Variants in KCNMA1 observed in about 807,000 individuals in gnomAD.
The protein encoded by KCNMA1 is potassium calcium-activated channel subfamily M alpha 1.
A neutral mutation model predicts 140.0 loss-of-function variants in KCNMA1; 29 were observed. The observed-to-expected ratio is 0.21, with a 90% CI of 0.15 to 0.28. KCNMA1 has a LOEUF of 0.28. KCNMA1 is among the 10% of genes least tolerant of loss of function. The probability of loss-of-function intolerance (pLI) is 1.00; values close to 1 mark genes in which losing one functional copy is unlikely to be tolerated. For missense variants in KCNMA1, 880 were observed against 1,602.2 expected (o/e 0.55, Z 7.70); for synonymous variants, 612 against 611.9 (o/e 1.00, Z 0.00).
intron 2 of KCNMA1, among the ~76,000 whole-genome samples, chr10:77,273,165 C>A (rs2065654537): frequency 6.6e-6 from 1 of 152,192 alleles, no homozygotes; most frequent in South Asian, 2.1e-4. Flanking sequence ...GTGAAGTAAG[C>A]TATAGATGTA....
At chr10:77,148,451 A>T (rs1211664166) in intron 5 of KCNMA1, 2 of 152,186 alleles carry the variant, frequency 1.3e-5, no homozygotes, top group Non-Finnish European at 2.9e-5. Flanking sequence ...ACATTTTCAC[A>T]AGGGCCTCAG....
At chr10:77,496,784 AC>A (rs1017230880) in intron 1 of KCNMA1, among the ~76,000 whole-genome samples, 4 of 151,940 alleles carry the variant, frequency 2.6e-5, no homozygotes, top group African/African-American at 9.7e-5. Context: ...AAGTGTGTTG[AC>A]CAGGACACAG....
intron 1 of KCNMA1, among the ~76,000 whole-genome samples, chr10:77,526,821 C>T (rs946733579): frequency 1.1e-4 from 16 of 149,894 alleles, no homozygotes. Context: ...GTTTCCTTCT[C>T]CTCTCTCTCT....
At chr10:77,028,831 G>C (rs2093694370) in intron 15 of KCNMA1, among the ~76,000 whole-genome samples, 5 of 152,042 alleles carry the variant, frequency 3.3e-5, no homozygotes, top group Admixed American at 3.3e-4. Context: ...ACAAACAAAT[G>C]GTTTCCACTT....
chr10:77,438,107 G>C (rs2097301613), intron 1 of KCNMA1, among the ~76,000 whole-genome samples: 1 of 152,022 alleles, frequency 6.6e-6, no homozygotes, highest in Non-Finnish European at 1.5e-5. Flanking sequence ...GTGTTGCCTA[G>C]AGTGAAGTGG....
intron 3 of KCNMA1, among the ~76,000 whole-genome samples, chr10:77,207,794 A>T (rs2044636661): frequency 6.6e-6 from 1 of 152,206 alleles, no homozygotes; most frequent in South Asian, 2.1e-4. Flanking sequence ...TTGCGTGCAT[A>T]CCATAAATGC....
chr10:77,056,484 G>C (rs1437894596), intron 14 of KCNMA1, among the ~76,000 whole-genome samples: 1 of 151,812 alleles, frequency 6.6e-6, no homozygotes, highest in Non-Finnish European at 1.5e-5. Flanking sequence ...ATTTAAACAA[G>C]AATCAGAGTT....
At chr10:77,439,412 A>G (rs1290668334) in intron 1 of KCNMA1, among the ~76,000 whole-genome samples, 1 of 152,156 alleles carries the variant, frequency 6.6e-6, no homozygotes, top group Non-Finnish European at 1.5e-5. Flanking sequence ...AAACCCACTC[A>G]TCCCATTCCC....
intron 2 of KCNMA1, among the ~76,000 whole-genome samples, chr10:77,319,087 C>G (rs1421931433): frequency 6.6e-6 from 1 of 152,254 alleles, no homozygotes; most frequent in Admixed American, 6.5e-5. Flanking sequence ...CCATCCTTGA[C>G]CTTGAGGAAT....
Position 77,404,045 on chromosome 10 carries a change from G to GAAA in KCNMA1, c.379-23_379-22insTTT, listed in dbSNP as rs757719680. On this transcript the variant is annotated intron_variant, in intron 1 of 27. Transcript: ENST00000286628. ...CCTCCTGGCAACAGAGAGAGCAAGA[G>GAAA]TTAAGACATAGGGAACAATGGATTT... 1.6e-3 allele frequency: 2,631 copies of GAAA among 1,613,050 alleles called. 1 individual carries two copies. The highest frequency in any genetic ancestry group is 2.1e-3 in the Non-Finnish European group (2,453 of 1,179,274).
chr10:77,324,699 CT>C (rs1463146460), intron 2 of KCNMA1, among the ~76,000 whole-genome samples: 1 of 152,104 alleles, frequency 6.6e-6, no homozygotes, highest in Non-Finnish European at 1.5e-5. Flanking sequence ...TGTGTAAGAG[CT>C]TTTCTGTCAC....
At chr10:77,289,562 G>A (rs2072415140) in intron 2 of KCNMA1, among the ~76,000 whole-genome samples, 1 of 152,154 alleles carries the variant, frequency 6.6e-6, no homozygotes, top group African/African-American at 2.4e-5. Context: ...TTGTACAAGA[G>A]GAGTAAATAA....
At chr10:77,339,133 A>C (rs569989736) in intron 2 of KCNMA1, among the ~76,000 whole-genome samples, 9 of 152,078 alleles carry the variant, frequency 5.9e-5, no homozygotes, top group African/African-American at 2.2e-4. Flanking sequence ...GGGGTAAGGA[A>C]GTGTTTTTTT....
intron 1 of KCNMA1, among the ~76,000 whole-genome samples, chr10:77,443,538 C>T (rs2097456230): frequency 6.6e-6 from 1 of 152,130 alleles, no homozygotes. Flanking sequence ...GGAATCTACC[C>T]TGCCTGGCAC....
At chr10:77,229,940 C>T (rs1026815462) in intron 3 of KCNMA1, among the ~76,000 whole-genome samples, 11 of 152,106 alleles carry the variant, frequency 7.2e-5, no homozygotes, top group African/African-American at 2.2e-4. Flanking sequence ...CAATTCCACT[C>T]CTATGCATAT....
chr10:77,331,204 C>A (rs1199088862), intron 2 of KCNMA1, among the ~76,000 whole-genome samples: 1 of 152,120 alleles, frequency 6.6e-6, no homozygotes, highest in African/African-American at 2.4e-5. Flanking sequence ...CCTGACCCAC[C>A]CCAGCTGGCA....
At chr10:77,313,572 C>T (rs1406160596) in intron 2 of KCNMA1, among the ~76,000 whole-genome samples, 1 of 152,308 alleles carries the variant, frequency 6.6e-6, no homozygotes, top group African/African-American at 2.4e-5. Flanking sequence ...TGCATGGGAC[C>T]TTCCTTCCAA....
At position 77,183,058 on chromosome 10, in the gene KCNMA1, T is replaced by G. The variant is rs534828738; in HGVS notation, c.808+363A>C. 1.8e-3 allele frequency among the ~76,000 whole-genome samples: 270 copies of G among 152,302 alleles called. 3 individuals are homozygous for G. Among genetic ancestry groups the G allele is most frequent in the Non-Finnish European group, 3.2e-4 (22 of 68,030 alleles). ...TTGGCAGGCAGGCCTCTGGGGTACC[T>G]GAGCCAGCCACTCGGAAAGTTGGCC... On this transcript the variant is annotated intron_variant, in intron 5 of 27. Coordinates refer to ENST00000286628, the MANE Select transcript of KCNMA1 (RefSeq NM_001161352.2).
intron 23 of KCNMA1, among the ~76,000 whole-genome samples, chr10:76,935,419 T>A (rs1907731): frequency 6.6e-6 from 1 of 152,164 alleles, no homozygotes; most frequent in Non-Finnish European, 1.5e-5. Context: ...GAGAAAAGCA[T>A]AGACTTTGAA....
Sources: gnomAD v4.1 joint callset for allele counts (sites outside exome capture counted in the v4.1 genomes callset) on GRCh38, gnomAD v4.1.1 for gene constraint, MANE v1.5 for transcripts, NCBI Gene and HGNC (gene_info 2026-07-23, HGNC 2026-07-21) for gene names.